Variants in CCNJL observed in about 807,000 individuals in gnomAD.
CCNJL encodes the protein cyclin J like.
A neutral mutation model predicts 33.4 loss-of-function variants in CCNJL; 33 were observed. The ratio of observed to expected loss-of-function variants is 0.99; its 90% CI spans 0.75 to 1.32. CCNJL has a LOEUF of 1.32. Ranked by LOEUF, CCNJL falls within the 40% of genes most tolerant of loss-of-function variation. The pLI is 0.00. For synonymous variants in CCNJL, 227 were observed against 220.9 expected, an observed-to-expected ratio of 1.03 and a Z score of -0.24; for missense variants, 512 against 499.7, an observed-to-expected ratio of 1.02 and a Z score of -0.23.
chr5:160,262,650 A>G lies in CCNJL; in HGVS notation c.281-2879T>C, dbSNP rs185347069. Among the ~76,000 whole-genome samples, 7 of 152,350 alleles carry G rather than the reference A, an allele frequency of 4.6e-5. No individual in the cohort carries two copies. In the East Asian group the frequency reaches 1.3e-3, roughly 29 times the overall value. ...TGCTCGTGGCAGGAACCTTCTAGGT[A>G]GGTTCTTTACAATCCTCAGAGGCTC... is the stretch of plus-strand genomic sequence containing the variant. On this transcript the variant is annotated intron_variant, in intron 3 of 5. Transcript: ENST00000257536.
intron 3 of CCNJL, among the ~76,000 whole-genome samples, chr5:160,269,211 T>TGTGATGAC (rs1266308406): frequency 2.0e-5 from 3 of 152,202 alleles, no homozygotes; most frequent in African/African-American, 7.2e-5. Flanking sequence ...GAGAAACTGC[T>TGTGATGAC]GTGATGACAT....
chr5:160,331,673 G>A (rs1218455912), intron 1 of CCNJL, among the ~76,000 whole-genome samples: 1 of 152,072 alleles, frequency 6.6e-6, no homozygotes, highest in Non-Finnish European at 1.5e-5. Flanking sequence ...CATCCACTTG[G>A]TCAACCTTCA....
At chr5:160,287,966 C>T (rs1248368697) in intron 2 of CCNJL, among the ~76,000 whole-genome samples, 1 of 152,136 alleles carries the variant, frequency 6.6e-6, no homozygotes, top group African/African-American at 2.4e-5. Flanking sequence ...GCTGTTGGCC[C>T]TTGATCACCT....
At chr5:160,284,668 G>C (rs1229210376) in intron 2 of CCNJL, among the ~76,000 whole-genome samples, 1 of 152,250 alleles carries the variant, frequency 6.6e-6, no homozygotes, top group Non-Finnish European at 1.5e-5. Flanking sequence ...TGATCCTCCA[G>C]AGAGCTCAGA....
intron 1 of CCNJL, among the ~76,000 whole-genome samples, chr5:160,330,733 G>A (rs1315772873): frequency 2.6e-5 from 4 of 151,694 alleles, no homozygotes; most frequent in South Asian, 2.1e-4. Flanking sequence ...GTGCGGTCTC[G>A]GCTAACTGCA....
intron 3 of CCNJL, among the ~76,000 whole-genome samples, chr5:160,265,567 G>A (rs930086340): frequency 9.2e-5 from 14 of 151,424 alleles, no homozygotes; most frequent in African/African-American, 2.9e-4. Context: ...CCTGGGCAGC[G>A]AAGGTTGCAG....
intron 4 of CCNJL, chr5:160,258,523 C>G: frequency 6.6e-7 from 1 of 1,508,372 alleles, no homozygotes; most frequent in East Asian, 2.3e-5. Context: ...AAATTTCTAC[C>G]TTGAACCGTA....
chr5:160,303,274 C>T (rs1054452117), intron 2 of CCNJL, among the ~76,000 whole-genome samples: 1 of 152,232 alleles, frequency 6.6e-6, no homozygotes, highest in East Asian at 1.9e-4. Flanking sequence ...GGTGCAATCT[C>T]GGCTCACTGC....
At chr5:160,282,554 A>G (rs569371968) in intron 2 of CCNJL, among the ~76,000 whole-genome samples, 3 of 149,410 alleles carry the variant, frequency 2.0e-5, no homozygotes, top group South Asian at 2.1e-4. Flanking sequence ...TGAAAATCAC[A>G]TGTTAATAAA....
chr5:160,301,547 C>T (rs935620570), intron 2 of CCNJL, among the ~76,000 whole-genome samples: 1 of 151,688 alleles, frequency 6.6e-6, no homozygotes, highest in African/African-American at 2.4e-5. Context: ...GATTCTTCTG[C>T]CTCGGCTTCC....
At chr5:160,328,562 G>C (rs1763567310) in intron 1 of CCNJL, among the ~76,000 whole-genome samples, 1 of 151,324 alleles carries the variant, frequency 6.6e-6, no homozygotes, top group African/African-American at 2.4e-5. Context: ...TTCAAGACCA[G>C]CCTGGGCAAC....
At chr5:160,335,571 T>C (rs2113485257) in intron 1 of CCNJL, among the ~76,000 whole-genome samples, 1 of 152,130 alleles carries the variant, frequency 6.6e-6, no homozygotes, top group South Asian at 2.1e-4. Context: ...TTCCTTCGTC[T>C]TTCTTTCTTT....
chr5:160,267,925 G>T (rs1228194980), intron 3 of CCNJL, among the ~76,000 whole-genome samples: 1 of 152,078 alleles, frequency 6.6e-6, no homozygotes, highest in East Asian at 1.9e-4. Context: ...TTTAATTCCA[G>T]AGCCTTTCCA....
chr5:160,255,570 G>C lies in CCNJL; in HGVS notation c.722C>G (p.Thr241Arg), dbSNP rs563828375. 24 of 1,614,122 alleles carry C rather than the reference G, an allele frequency of 1.5e-5. No homozygotes were observed. In the African/African-American group the frequency reaches 2.5e-4, roughly 17 times the overall value. ...ISSYSLEHLS[T>R]CIEILLVVYD... ...TTACACCAGCAGGATTTCAATACAC[G>C]TGCTGAGGTGCTCCAGGGAATAGCT... is the stretch of plus-strand genomic sequence containing the variant. Residue 241 changes from threonine to arginine, a missense_variant, in exon 5 of 6, where the codon ACG becomes AGG. Thr to Arg is a moderately conservative substitution (Grantham distance 71, BLOSUM62 -1). Coordinates refer to ENST00000257536, the MANE Select transcript of CCNJL (RefSeq NM_001308173.3).
intron 4 of CCNJL, among the ~76,000 whole-genome samples, chr5:160,258,093 A>G (rs1309591827): frequency 2.6e-5 from 4 of 151,884 alleles, no homozygotes; most frequent in Non-Finnish European, 5.9e-5. Context: ...TGATCTGCCC[A>G]CCTCAGCCTC....
intron 1 of CCNJL, among the ~76,000 whole-genome samples, chr5:160,333,131 T>C (rs1763630979): frequency 6.6e-6 from 1 of 151,926 alleles, no homozygotes; most frequent in African/African-American, 2.4e-5. Flanking sequence ...CAAATTTTTT[T>C]TTTTTTTTTG....
At chr5:160,320,826 T>TTTCTTTCTTTCC (rs1561812438) in intron 1 of CCNJL, among the ~76,000 whole-genome samples, 34 of 115,014 alleles carry the variant, frequency 3.0e-4, no homozygotes, top group African/African-American at 1.0e-3. Flanking sequence ...TCTTTCTTTC[T>TTTCTTTCTTTCC]TTCTTTCTTT....
At position 160,337,003 on chromosome 5, in the gene CCNJL, C is replaced by CTTTT. The variant is rs35461944; in HGVS notation, n.206+2438_206+2441dup. On this transcript the variant is annotated intron_variant and non_coding_transcript_variant, in intron 1 of 7. Transcript: ENST00000377503. ...CTTCCTTCCTTCTTTCTTTTTCTTT[C>CTTTT]TTTTTTTTTTTTTTTTTTTTGACAG... 1.9e-3 allele frequency among the ~76,000 whole-genome samples: 176 copies of CTTTT among 95,056 alleles called. 1 individual carries two copies. Among genetic ancestry groups the CTTTT allele is most frequent in the Non-Finnish European group, 2.3e-3 (114 of 49,944 alleles). The allele number at this position is 95,056 out of a possible 152,430, so 62.4% of individuals were successfully genotyped here. A position where few individuals can be genotyped will look rare whatever the true frequency, so the allele number is the denominator to read the frequency against.
rs79306789 is a variant in CCNJL, at chr5:160,283,325, G to A, written c.67-2587C>T. On this transcript the variant is annotated intron_variant, in intron 2 of 5. Coordinates refer to ENST00000257536, the MANE Select transcript of CCNJL (RefSeq NM_001308173.3). ...CATACAAACAGAAAGTAGATTAGTG[G>A]TTGCCAGAGGTTAGGGGTAACAGTT... Among the ~76,000 whole-genome samples the A allele has an allele frequency of 8.5e-5, 13 of 152,206 alleles. No homozygotes were observed. The East Asian group carries it at 2.5e-3, about 29-fold the overall frequency.
Sources: allele counts gnomAD v4.1 joint callset (sites outside exome capture counted in the v4.1 genomes callset), GRCh38; gene constraint gnomAD v4.1.1; transcripts MANE v1.5; gene names NCBI Gene and HGNC (gene_info 2026-07-23, HGNC 2026-07-21).